TMEM35B: variants seen among roughly 807,000 people sequenced by gnomAD.
The protein encoded by TMEM35B is transmembrane protein 35B.
Under a neutral mutation model 8.7 loss-of-function variants are expected in TMEM35B, and 6 were observed. That is an observed-to-expected ratio of 0.69 (90% CI 0.38 to 1.36). The LOEUF (loss-of-function observed/expected upper bound fraction) is 1.36. TMEM35B is among the 40% of genes most tolerant of loss of function. TMEM35B has a pLI of 0.02. For missense variants in TMEM35B, 176 were observed against 181.6 expected (o/e 0.97, Z 0.18); for synonymous variants, 89 against 87.0 (o/e 1.02, Z -0.13).
chr1:34,983,877 T>C (rs1640534078), exon 2 of TMEM35B: 1 of 1,543,960 alleles, frequency 6.5e-7, no homozygotes, highest in Non-Finnish European at 8.7e-7. Flanking sequence ...TATTTGGTAG[T>C]TCAGGGGATC....
At chr1:34,985,133 G>A (rs368791645) in intron 1 of TMEM35B, 65 bp downstream of exon 1, 1 of 1,290,040 alleles carries the variant, frequency 7.8e-7, no homozygotes, top group African/African-American at 1.6e-5. Context: ...CGGGGGCGAG[G>A]AGCGGCAGGG....
chr1:34,984,461 C>T (rs543759922), intron 1 of TMEM35B, among the ~76,000 whole-genome samples: 1 of 152,310 alleles, frequency 6.6e-6, no homozygotes, highest in Admixed American at 6.5e-5. Context: ...CTCAGCTCTA[C>T]CTCCCCTCCT....
chr1:34,983,998 C>G (rs746726093), intron 1 of TMEM35B, 51 bp from the exon 2 acceptor site: 1 of 1,404,888 alleles, frequency 7.1e-7, no homozygotes, highest in Non-Finnish European at 9.4e-7. Context: ...CAAGGATGAG[C>G]TCCCCAGATG....
intron 2 of TMEM35B, among the ~76,000 whole-genome samples, chr1:34,982,471 T>A (rs1640518369): frequency 6.6e-6 from 1 of 150,750 alleles, no homozygotes; most frequent in African/African-American, 2.4e-5. Flanking sequence ...TTTTTTTTTT[T>A]TTTTGAGGCA....
rs566607894 is a variant in TMEM35B at position 34,985,183 on chromosome 1, G to T, written c.108+15C>A. The stretch of plus-strand genomic sequence containing the variant: ...CCGCGGGCCCGATCCCCTGCCGCCC[G>T]CCCGCGCCGCTCACCATCCGCTCCG... On this transcript the variant is annotated intron_variant, in intron 1 of 2. Coordinates refer to ENST00000373337, the Ensembl canonical transcript of TMEM35B. The T allele has an allele frequency of 3.9e-6, 6 of 1,527,380 alleles. No homozygotes were observed. Among genetic ancestry groups the T allele is most frequent in the Admixed American group, 4.0e-5 (2 of 49,610 alleles). 94.6% of individuals were successfully genotyped at this position (1,527,380 alleles called of 1,614,324 possible).
At chr1:34,984,232 GGC>G (rs1640538606) in intron 1 of TMEM35B, among the ~76,000 whole-genome samples, 1 of 152,214 alleles carries the variant, frequency 6.6e-6, no homozygotes, top group African/African-American at 2.4e-5. Context: ...AGGAGGAGGG[GGC>G]TGGGCTTGGC....
chr1:34,985,157 G>A lies in TMEM35B; in HGVS notation c.108+41C>T, dbSNP rs754070665. Reference sequence around the variant, plus strand: ...GGAGCGGCAGGGCGGAGCACACGCCGCCGCGGGCCCGATCCCCTGCCGCCC... The same window carrying A: ...GGAGCGGCAGGGCGGAGCACACGCCACCGCGGGCCCGATCCCCTGCCGCCC... On this transcript the variant is annotated intron_variant, in intron 1 of 2. Transcript: ENST00000373337. 375 of 1,474,634 alleles carry A rather than the reference G, an allele frequency of 2.5e-4. No homozygotes were observed. In the African/African-American group the frequency reaches 4.9e-3, roughly 19 times the overall value. 91.3% of individuals were successfully genotyped at this position (1,474,634 alleles called of 1,614,324 possible).
At chr1:34,985,160 G>A (rs757491290) in intron 1 of TMEM35B, 38 bp downstream of exon 1, 2 of 1,487,174 alleles carry the variant, frequency 1.3e-6, no homozygotes, top group Middle Eastern at 2.0e-4. Context: ...ACACGCCGCC[G>A]CGGGCCCGAT....
At chr1:34,983,578 CAAAAAAAAA>C (rs1163962621) in intron 2 of TMEM35B, among the ~76,000 whole-genome samples, 180 bp downstream of exon 2, 54 of 23,194 alleles carry the variant, frequency 2.3e-3, no homozygotes, top group Admixed American at 8.2e-3. Context: ...GACTCCATCT[CAAAAAAAAA>C]AAAAAAAAAA....
At chr1:34,983,511 G>A (rs748264811) in intron 2 of TMEM35B, among the ~76,000 whole-genome samples, 7 of 147,718 alleles carry the variant, frequency 4.7e-5, no homozygotes, top group East Asian at 2.1e-4. Context: ...CCCAGGAGGC[G>A]GAGGTTGCAG....
Position 34,983,873 on chromosome 1 carries a change from G to C in TMEM35B, c.183C>G (p.Tyr61Ter). 1 of 1,545,200 alleles carries C rather than the reference G, an allele frequency of 6.5e-7. No individual in the cohort carries two copies. Among genetic ancestry groups the C allele is most frequent in the Non-Finnish European group, 8.7e-7 (1 of 1,143,988 alleles). The change falls in exon 2 of 3, where the codon TAC (tyrosine) becomes TAG (stop). Residue 61 changes from tyrosine (Y) to a stop codon, truncating the protein, a stop_gained. Transcript: ENST00000373337. LOFTEE classifies it high-confidence loss of function. ...GTTCCAGAAAGCCCACAGCTATTTG[G>C]TAGTTCAGGGGATCTGGCTGGTAGC...
In TMEM35B at chr1:34,983,394, T is replaced by C. The variant is rs11263874; in HGVS notation, c.289+373A>G. Among the ~76,000 whole-genome samples, 5,293 of 151,796 alleles carry C rather than the reference T, an allele frequency of 0.035. 374 individuals carry two copies. In the East Asian group the frequency reaches 0.35, roughly 10 times the overall value. On this transcript the variant is annotated intron_variant, in intron 2 of 2. Coordinates refer to ENST00000373337, the Ensembl canonical transcript of TMEM35B. ...GAGATCGAGACCATCCTGGCTAACA[T>C]GGTGAAACCCTGTCTCTACTAAAAA... is the stretch of plus-strand genomic sequence containing the variant.
At chr1:34,985,310 G>C (rs1557549849) in exon 1 of TMEM35B, 1 of 1,529,152 alleles carries the variant, frequency 6.5e-7, no homozygotes, top group Non-Finnish European at 8.8e-7. Context: ...CGCCATGGCC[G>C]CGCTCCCCCC....
intron 1 of TMEM35B, among the ~76,000 whole-genome samples, chr1:34,984,674 G>A (rs749148879): frequency 4.6e-5 from 7 of 152,130 alleles, no homozygotes; most frequent in Non-Finnish European, 7.4e-5. Context: ...TCAGGCTTCC[G>A]AGAGAGGCTT....
chr1:34,983,677 A>T, intron 2 of TMEM35B, 90 bp downstream of exon 2: 1 of 1,135,204 alleles, frequency 8.8e-7, no homozygotes. Context: ...GAGAAAAAAG[A>T]AGGGTGGCAA....
At chr1:34,983,457 T>C (rs955811967) in intron 2 of TMEM35B, among the ~76,000 whole-genome samples, 21 of 151,624 alleles carry the variant, frequency 1.4e-4, no homozygotes, top group Non-Finnish European at 2.8e-4. Context: ...CAGGCGCCTG[T>C]AGTCCCAGCT....
In TMEM35B at chr1:34,981,863, T is replaced by C; in HGVS notation, c.*81A>G. 14 of 1,364,722 alleles carry C rather than the reference T, an allele frequency of 1.0e-5. No homozygotes were observed. In the South Asian group the frequency reaches 1.5e-4, roughly 15 times the overall value. 84.5% of individuals were successfully genotyped at this position (1,364,722 alleles called of 1,614,324 possible). A position where few individuals can be genotyped will look rare whatever the true frequency, so the allele number is the denominator to read the frequency against. ...CAACACTGGCTGACCCTGGATATTA[T>C]ACTGGTAACAAGATGATAGACTCTG... On this transcript the variant is annotated 3_prime_UTR_variant, in exon 3 of 3. Coordinates refer to ENST00000373337, the Ensembl canonical transcript of TMEM35B.
At chr1:34,984,295 G>T (rs1569726018) in intron 1 of TMEM35B, among the ~76,000 whole-genome samples, 1 of 152,208 alleles carries the variant, frequency 6.6e-6, no homozygotes, top group Non-Finnish European at 1.5e-5. Context: ...TTTGTGTCTG[G>T]CCTGGTTTCT....
At chr1:34,982,368 G>T (rs1305403790) in intron 2 of TMEM35B, among the ~76,000 whole-genome samples, 1 of 150,744 alleles carries the variant, frequency 6.6e-6, no homozygotes, top group Admixed American at 6.6e-5. Flanking sequence ...CAGAGGACAA[G>T]AAAGAAACGG....
Sources: allele counts gnomAD v4.1 joint callset (sites outside exome capture counted in the v4.1 genomes callset), GRCh38; gene constraint gnomAD v4.1.1; transcripts MANE v1.5; gene names NCBI Gene and HGNC (gene_info 2026-07-23, HGNC 2026-07-21).